NKAIN2: variants seen among roughly 807,000 people sequenced by gnomAD.
NKAIN2 encodes sodium/potassium-transporting ATPase subunit beta-1-interacting protein 2.
In NKAIN2, 14 loss-of-function variants were observed where a neutral mutation model predicts 32.6. That is an observed-to-expected ratio of 0.43 (90% CI 0.28 to 0.67). The LOEUF is 0.67. Among genes scored for constraint, NKAIN2 ranks in the 30% least tolerant of loss-of-function variants. The pLI is 0.17. For missense variants in NKAIN2, 198 were observed against 258.3 expected (o/e 0.77, Z 1.60); for synonymous variants, 80 against 87.2 (o/e 0.92, Z 0.46).
intron 3 of NKAIN2, among the ~76,000 whole-genome samples, chr6:124,628,675 AT>A (rs1366669890): frequency 6.6e-6 from 1 of 152,020 alleles, no homozygotes; most frequent in Non-Finnish European, 1.5e-5. Flanking sequence ...CAAATTCAGC[AT>A]TCCTCAAAAG....
chr6:124,139,658 A>T lies in NKAIN2; in HGVS notation c.55-143347A>T, dbSNP rs934032028. Among the ~76,000 whole-genome samples the T allele has an allele frequency of 5.9e-5, 9 of 152,212 alleles. No individual in the cohort carries two copies. The East Asian group carries it at 1.7e-3, about 29-fold the overall frequency. On this transcript the variant is annotated intron_variant, in intron 1 of 6. Transcript: ENST00000368417. ...AAAGCTCAAAATCAAATTAATGCAT[A>T]GAAGAATTATGATAAAATTTATATT...
intron 1 of NKAIN2, among the ~76,000 whole-genome samples, chr6:124,240,381 C>T (rs1793017305): frequency 6.6e-6 from 1 of 152,072 alleles, no homozygotes; most frequent in Non-Finnish European, 1.5e-5. Context: ...GAGACTCCTC[C>T]CTAACTCATT....
At chr6:124,580,715 G>T (rs943639021) in intron 3 of NKAIN2, among the ~76,000 whole-genome samples, 113 of 152,086 alleles carry the variant, frequency 7.4e-4, no homozygotes, top group African/African-American at 2.6e-3. Flanking sequence ...ATGTATAGTG[G>T]CTGAATGGAT....
chr6:124,742,269 T>C (rs906756576), intron 4 of NKAIN2, among the ~76,000 whole-genome samples: 3 of 151,790 alleles, frequency 2.0e-5, no homozygotes, highest in African/African-American at 7.3e-5. Context: ...GTAAAGAAGG[T>C]TCACCCTCAC....
rs1329576638 is a variant in NKAIN2 at position 124,287,664 on chromosome 6, T to C, written c.192+4522T>C. Among the ~76,000 whole-genome samples, 3 of 152,066 alleles carry C rather than the reference T, an allele frequency of 2.0e-5. No individual in the cohort carries two copies. The East Asian group carries it at 5.8e-4, about 29-fold the overall frequency. Reference sequence around the variant, plus strand: ...ACATCAAATCCCAGAAAATAATTCATAAATAAATATATACAATGGCTCCCA... The same window carrying C: ...ACATCAAATCCCAGAAAATAATTCACAAATAAATATATACAATGGCTCCCA... On this transcript the variant is annotated intron_variant, in intron 2 of 6. Transcript: ENST00000368417.
intron 3 of NKAIN2, among the ~76,000 whole-genome samples, chr6:124,536,336 T>C (rs750219152): frequency 5.3e-5 from 8 of 152,114 alleles, no homozygotes; most frequent in Non-Finnish European, 1.0e-4. Flanking sequence ...ACTCCTAAAG[T>C]AGAAATAATC....
intron 1 of NKAIN2, among the ~76,000 whole-genome samples, chr6:123,966,124 G>T (rs1482952475): frequency 5.9e-5 from 9 of 152,128 alleles, no homozygotes. Context: ...TTTTTGGCTG[G>T]AACTGCCAGG....
chr6:124,264,055 T>G (rs1794372279), intron 1 of NKAIN2, among the ~76,000 whole-genome samples: 1 of 152,208 alleles, frequency 6.6e-6, no homozygotes, highest in Non-Finnish European at 1.5e-5. Flanking sequence ...TACCTCTTAA[T>G]AGGTGTTAGA....
rs777907645 is a variant in NKAIN2, at chr6:124,283,133, C to T, written c.183C>T (p.Tyr61=). 3.1e-6 allele frequency: 5 copies of T among 1,603,756 alleles called. No homozygotes were observed. In the South Asian group the frequency reaches 5.5e-5, roughly 18 times the overall value. Reference sequence around the variant, plus strand: ...GAACTATTCAATATAGACCTCGTTACATAACAGGAGTAAGTACATTTTCTG... The same window carrying T: ...GAACTATTCAATATAGACCTCGTTATATAACAGGAGTAAGTACATTTTCTG... ...LFGTIQYRPR[Y]ITGYAVWLVL... The change falls in exon 2 of 7, where the codon TAC becomes TAT. Residue 61 remains tyrosine (Y), a synonymous_variant. Transcript: ENST00000368417.
At chr6:123,956,325 T>G (rs191337680) in intron 1 of NKAIN2, among the ~76,000 whole-genome samples, 4 of 152,310 alleles carry the variant, frequency 2.6e-5, no homozygotes, top group Middle Eastern at 3.4e-3. Context: ...GTGACTGTAT[T>G]TGGAAACAGA....
chr6:124,759,682 T>G lies in NKAIN2; in HGVS notation c.475-31657T>G, dbSNP rs150689152. Among the ~76,000 whole-genome samples the G allele has an allele frequency of 8.7e-3, 1,260 of 145,652 alleles. 18 individuals are homozygous for G. Among genetic ancestry groups the G allele is most frequent in the Non-Finnish European group, 0.015 (1,015 of 66,182 alleles). On this transcript the variant is annotated intron_variant, in intron 4 of 6. Transcript: ENST00000368417. ...CCCCTATCTCCCTTTCCTGCCTTAT[T>G]TTCCTCCGTCACACTTATCACTAAT...
At chr6:124,407,606 T>C (rs552633793) in intron 3 of NKAIN2, among the ~76,000 whole-genome samples, 1 of 152,212 alleles carries the variant, frequency 6.6e-6, no homozygotes, top group East Asian at 1.9e-4. Context: ...TGTTGGACAT[T>C]TGGGTTGGTT....
chr6:123,913,132 A>C (rs1775306264), intron 1 of NKAIN2, among the ~76,000 whole-genome samples: 1 of 152,188 alleles, frequency 6.6e-6, no homozygotes, highest in Non-Finnish European at 1.5e-5. Flanking sequence ...GTTTGAGGGA[A>C]CCTCCCATGT....
rs562081086 is a variant in NKAIN2, at chr6:124,187,830, T to C, written c.55-95175T>C. On this transcript the variant is annotated intron_variant, in intron 1 of 6. Coordinates refer to ENST00000368417, the MANE Select transcript of NKAIN2 (RefSeq NM_001040214.3). ...GTACTTTTACTAAGCTGTTTTGAAT[T>C]CTTGCTCTGTCAAGGACTATCTATA... is the stretch of plus-strand genomic sequence containing the variant. Among the ~76,000 whole-genome samples, 3 of 152,312 alleles carry C rather than the reference T, an allele frequency of 2.0e-5. No individual in the cohort carries two copies. The East Asian group carries it at 5.8e-4, about 29-fold the overall frequency.
intron 3 of NKAIN2, among the ~76,000 whole-genome samples, chr6:124,443,968 G>A (rs1262588201): frequency 1.3e-5 from 2 of 151,852 alleles, no homozygotes; most frequent in African/African-American, 2.4e-5. Context: ...TATATGACCT[G>A]TAACTCTCCT....
intron 3 of NKAIN2, among the ~76,000 whole-genome samples, chr6:124,580,986 T>A (rs1781497148): frequency 6.6e-6 from 1 of 152,084 alleles, no homozygotes; most frequent in Non-Finnish European, 1.5e-5. Flanking sequence ...CAAGATGATA[T>A]AACAGTTTAA....
At chr6:124,420,960 T>C (rs1774718493) in intron 3 of NKAIN2, among the ~76,000 whole-genome samples, 1 of 151,512 alleles carries the variant, frequency 6.6e-6, no homozygotes, top group Admixed American at 6.6e-5. Flanking sequence ...TTTCACCACA[T>C]GCATACGTGA....
chr6:124,740,663 G>A (rs1385639175), intron 4 of NKAIN2, among the ~76,000 whole-genome samples: 1 of 151,852 alleles, frequency 6.6e-6, no homozygotes, highest in East Asian at 1.9e-4. Context: ...CAGGAAAATG[G>A]GTTAGCAAGG....
intron 1 of NKAIN2, among the ~76,000 whole-genome samples, chr6:124,077,952 T>A (rs1249211673): frequency 6.6e-6 from 1 of 152,146 alleles, no homozygotes; most frequent in East Asian, 1.9e-4. Flanking sequence ...ACTAAAAGTT[T>A]AGGGAATTAT....
Sources: gnomAD v4.1 joint callset for allele counts (sites outside exome capture counted in the v4.1 genomes callset) on GRCh38, gnomAD v4.1.1 for gene constraint, MANE v1.5 for transcripts, NCBI Gene and HGNC (gene_info 2026-07-23, HGNC 2026-07-21) for gene names.